ASIC1: variants seen among roughly 807,000 people sequenced by gnomAD.
ASIC1 encodes the protein acid sensing ion channel subunit 1, also known as acid-sensing ion channel 1.
A neutral mutation model predicts 63.4 loss-of-function variants in ASIC1; 21 were observed. The ratio of observed to expected loss-of-function variants is 0.33; its 90% CI spans 0.23 to 0.48. ASIC1 has a LOEUF of 0.48. ASIC1 is among the 20% of genes least tolerant of loss of function. The pLI is 0.99. For synonymous variants in ASIC1, 258 were observed against 278.2 expected (o/e 0.93, Z 0.72); for missense variants, 478 against 695.5 (o/e 0.69, Z 3.52).
rs556312634 is a variant in ASIC1, at chr12:50,076,078, C to T, written c.559-1135C>T. ...TGCTGGTGCTTGGTTGAGTGTGGTC[C>T]TTGGCATGGCAACTGGGTCTACTTT... On this transcript the variant is annotated intron_variant, in intron 3 of 11. Coordinates refer to ENST00000447966, the MANE Select transcript of ASIC1 (RefSeq NM_001095.4). Among the ~76,000 whole-genome samples, 4 of 152,274 alleles carry T rather than the reference C, an allele frequency of 2.6e-5. No homozygotes were observed. The East Asian group carries it at 5.8e-4, about 22-fold the overall frequency.
At chr12:50,073,832 G>T (rs766885799) in intron 3 of ASIC1, 127 of 1,531,390 alleles carry the variant, frequency 8.3e-5, no homozygotes, top group Non-Finnish European at 1.1e-4. Flanking sequence ...TTTGTGGAGG[G>T]GGGTCCAGGG....
intron 7 of ASIC1, 119 bp from the exon 8 acceptor site, chr12:50,079,783 C>A: frequency 8.2e-7 from 1 of 1,220,180 alleles, no homozygotes; most frequent in Non-Finnish European, 1.1e-6. Flanking sequence ...GGGTGAAGGG[C>A]AGGTCACGGA....
At position 50,081,364 on chromosome 12, in the gene ASIC1, C is replaced by G; in HGVS notation, c.1482C>G (p.His494Gln). 6.3e-7 allele frequency: 1 copy of G among 1,593,114 alleles called. No individual in the cohort carries two copies. The highest frequency in any genetic ancestry group is 8.5e-7 in the Non-Finnish European group (1 of 1,169,918). The change falls in exon 11 of 12, where the codon CAC becomes CAG. Residue 494 changes from histidine (H) to glutamine (Q), a missense_variant and splice_region_variant. His to Gln is a conservative substitution (Grantham distance 24). Around this residue, in one of 3 missense-constraint regions of ASIC1, gnomAD observed 104 missense variants for 97.0 expected, o/e 1.07. Transcript: ENST00000447966. ...TCAGCCTGGACGACGTCAAAAGACACGTGAGGGAGCGAGCGAGGGCGCCCT... is the reference window on the plus strand; with the variant it reads ...TCAGCCTGGACGACGTCAAAAGACAGGTGAGGGAGCGAGCGAGGGCGCCCT... ...VALSLDDVKR[H>Q]NPCESLRGHP...
chr12:50,070,567 C>G (rs1477453409), intron 3 of ASIC1, among the ~76,000 whole-genome samples: 1 of 152,198 alleles, frequency 6.6e-6, no homozygotes, highest in Admixed American at 6.5e-5. Flanking sequence ...CGTGCACACC[C>G]TTGTCTTTGC....
In ASIC1 at chr12:50,079,039, C is replaced by T. The variant is rs960538601; in HGVS notation, c.1051+59C>T. On this transcript the variant is annotated intron_variant, in intron 7 of 11. Transcript: ENST00000447966. The stretch of plus-strand genomic sequence containing the variant: ...GGGAAAAGGTGCTGCCAGCCACGTG[C>T]GCAGGAGTTTCAGGTCACGCTCCCA... The T allele has an allele frequency of 8.4e-6, 13 of 1,545,394 alleles. No homozygotes were observed. The South Asian group carries it at 8.9e-5, about 11-fold the overall frequency.
At chr12:50,071,391 C>T (rs1378569282) in intron 3 of ASIC1, among the ~76,000 whole-genome samples, 1 of 150,816 alleles carries the variant, frequency 6.6e-6, no homozygotes, top group Non-Finnish European at 1.5e-5. Flanking sequence ...CTCAGCCTCC[C>T]GAGTAGCTGG....
At chr12:50,066,122 A>G (rs1319114500) in intron 3 of ASIC1, among the ~76,000 whole-genome samples, 2 of 152,232 alleles carry the variant, frequency 1.3e-5, no homozygotes, top group African/African-American at 4.8e-5. Flanking sequence ...TGCAGAGCAC[A>G]TACTAGCAAA....
intron 3 of ASIC1, among the ~76,000 whole-genome samples, chr12:50,060,551 T>TTTG (rs1312221769): frequency 6.6e-6 from 1 of 152,118 alleles, no homozygotes; most frequent in African/African-American, 2.4e-5. Flanking sequence ...ACATACACTG[T>TTTG]TTGGTTAGGT....
intron 3 of ASIC1, chr12:50,077,012 A>G (rs1452291173): frequency 1.1e-6 from 1 of 872,284 alleles, no homozygotes; most frequent in East Asian, 2.6e-5. Flanking sequence ...GCACCCTACC[A>G]GGAACAGTTT....
At position 50,064,405 on chromosome 12, in the gene ASIC1, T is replaced by C. The variant is rs142044862; in HGVS notation, c.558+4451T>C. On this transcript the variant is annotated intron_variant, in intron 3 of 11. Transcript: ENST00000447966. ...CAGATACACACAAACATCCTTCAGG[T>C]AGCCCAATTTCCTCTCTCACCTCTT... is the stretch of plus-strand genomic sequence containing the variant. 8.5e-5 allele frequency among the ~76,000 whole-genome samples: 13 copies of C among 152,250 alleles called. No homozygotes were observed. In the East Asian group the frequency reaches 2.3e-3, roughly 27 times the overall value.
chr12:50,079,209 C>T (rs758273648), intron 7 of ASIC1, among the ~76,000 whole-genome samples: 24 of 151,898 alleles, frequency 1.6e-4, no homozygotes, highest in South Asian at 6.3e-4. Context: ...CCCAGGAGTT[C>T]GAGACCAGCC....
At chr12:50,071,541 C>G (rs1950599856) in intron 3 of ASIC1, among the ~76,000 whole-genome samples, 1 of 152,116 alleles carries the variant, frequency 6.6e-6, no homozygotes, top group Admixed American at 6.5e-5. Flanking sequence ...CTCGACCTCC[C>G]AAAGTGCTGG....
chr12:50,065,581 A>G (rs1323619460), intron 3 of ASIC1, among the ~76,000 whole-genome samples: 1 of 152,234 alleles, frequency 6.6e-6, no homozygotes, highest in African/African-American at 2.4e-5. Flanking sequence ...ATATTTAAAA[A>G]TGATCATGAA....
chr12:50,081,075 T>C, intron 9 of ASIC1, 27 bp from the exon 10 acceptor site: 1 of 1,556,248 alleles, frequency 6.4e-7, no homozygotes, highest in Non-Finnish European at 8.7e-7. Context: ...CTGACCCCAC[T>C]GACCCCCCTG....
chr12:50,075,066 C>T (rs1950640998), intron 3 of ASIC1, among the ~76,000 whole-genome samples: 1 of 152,012 alleles, frequency 6.6e-6, no homozygotes, highest in East Asian at 1.9e-4. Context: ...CACCTGGTAC[C>T]CCACTGTCTC....
At position 50,059,529 on chromosome 12, in the gene ASIC1, A is replaced by G. The variant is rs1244698303; in HGVS notation, c.363-230A>G. On this transcript the variant is annotated intron_variant, in intron 2 of 11. Coordinates refer to ENST00000447966, the MANE Select transcript of ASIC1 (RefSeq NM_001095.4). The surrounding 1 kb of genome is among the most constrained non-coding windows in gnomAD (Gnocchi z 4.6). ...CCTTGTCTCTCTGCCCACCTTATCC[A>G]TGCTTCCTCTCACCCATGTGCTGGG... Among the ~76,000 whole-genome samples the G allele has an allele frequency of 6.6e-6, 1 of 151,988 alleles. No individual in the cohort carries two copies. The highest frequency in any genetic ancestry group is 1.5e-5 in the Non-Finnish European group (1 of 67,974).
intron 4 of ASIC1, among the ~76,000 whole-genome samples, chr12:50,077,613 A>G (rs1287035359): frequency 1.3e-5 from 2 of 150,168 alleles, no homozygotes; most frequent in African/African-American, 4.9e-5. Context: ...CACTCTATAA[A>G]TAACTCCCTC....
At chr12:50,071,070 G>A (rs922511704) in intron 3 of ASIC1, among the ~76,000 whole-genome samples, 7 of 152,266 alleles carry the variant, frequency 4.6e-5, no homozygotes, top group African/African-American at 1.7e-4. Flanking sequence ...TATTCCCTGG[G>A]TGGGCACTAA....
Position 50,074,940 on chromosome 12 carries a change from C to A in ASIC1, c.559-2273C>A, listed in dbSNP as rs906585560. On this transcript the variant is annotated intron_variant, in intron 3 of 11. Transcript: ENST00000447966. This position sits in a 1 kb window ranked among gnomAD's most constrained non-coding sequence, Gnocchi z 4.2. ...TAAATAACAGGTCTCTAAATCATAT[C>A]CCTCTCCCCAGCTTTAAGTGGCCAG... 2.0e-5 allele frequency among the ~76,000 whole-genome samples: 3 copies of A among 151,476 alleles called. No individual in the cohort carries two copies. The highest frequency in any genetic ancestry group is 2.9e-5 in the Non-Finnish European group (2 of 67,928).
Sources: allele counts gnomAD v4.1 joint callset (sites outside exome capture counted in the v4.1 genomes callset), GRCh38; gene constraint gnomAD v4.1.1; regional missense constraint gnomAD v4.1.1; non-coding constraint Gnocchi (gnomAD v3.1); transcripts MANE v1.5; gene names NCBI Gene and HGNC (gene_info 2026-07-23, HGNC 2026-07-21).